Variants in ADAMTS20 observed in about 807,000 individuals in gnomAD.
ADAMTS20 encodes ADAM metallopeptidase with thrombospondin type 1 motif 20.
Under a neutral mutation model 260.1 loss-of-function variants are expected in ADAMTS20, and 225 were observed. The ratio of observed to expected loss-of-function variants is 0.87; its 90% CI spans 0.78 to 0.97. The LOEUF is 0.97. Ranked by LOEUF, ADAMTS20 falls within the 50% of genes least tolerant of loss-of-function variation. The probability of loss-of-function intolerance (pLI) is 0.00; values close to 1 mark genes in which losing one functional copy is unlikely to be tolerated. For synonymous variants in ADAMTS20, 802 were observed against 769.5 expected, an observed-to-expected ratio of 1.04 and a Z score of -0.70; for missense variants, 2,400 against 2,337.7, an observed-to-expected ratio of 1.03 and a Z score of -0.55.
intron 29 of ADAMTS20, among the ~76,000 whole-genome samples, chr12:43,389,959 G>C (rs1646521545): frequency 6.6e-6 from 1 of 152,226 alleles, no homozygotes; most frequent in Non-Finnish European, 1.5e-5. Flanking sequence ...TGTCAGTGGA[G>C]ATAGTCCCAC....
At chr12:43,483,252 G>A (rs553333349) in intron 7 of ADAMTS20, among the ~76,000 whole-genome samples, 2 of 152,084 alleles carry the variant, frequency 1.3e-5, no homozygotes, top group Non-Finnish European at 2.9e-5. Context: ...CAAGATTCAC[G>A]GTAGCCTGGC....
At chr12:43,521,647 T>A (rs569167948) in intron 3 of ADAMTS20, among the ~76,000 whole-genome samples, 1 of 152,240 alleles carries the variant, frequency 6.6e-6, no homozygotes, top group Non-Finnish European at 1.5e-5. Flanking sequence ...AAATATTTTT[T>A]AAAGCAAATT....
intron 14 of ADAMTS20, 45 bp from the exon 15 acceptor site, chr12:43,446,757 T>C: frequency 6.7e-7 from 1 of 1,483,652 alleles, no homozygotes; most frequent in South Asian, 1.2e-5. Flanking sequence ...TGACTAATTA[T>C]GAAGAAAAGA....
chr12:43,452,427 G>C lies in ADAMTS20; in HGVS notation c.1943-17C>G. The C allele has an allele frequency of 6.2e-7, 1 of 1,604,780 alleles. No individual in the cohort carries two copies. The highest frequency in any genetic ancestry group is 1.1e-5 in the South Asian group (1 of 89,012). On this transcript the variant is annotated splice_polypyrimidine_tract_variant and intron_variant, in intron 13 of 38. Transcript: ENST00000389420. ...TTGTGCCAACTGTAAAAAAGAAAAA[G>C]GTCAAATTTTTAATGTATAATAATA...
chr12:43,489,027 T>G (rs560141792), intron 7 of ADAMTS20, among the ~76,000 whole-genome samples: 1 of 152,056 alleles, frequency 6.6e-6, no homozygotes, highest in Non-Finnish European at 1.5e-5. Context: ...TTTTGGTGCT[T>G]AATAATATTC....
intron 29 of ADAMTS20, among the ~76,000 whole-genome samples, chr12:43,384,965 A>T (rs1053502368): frequency 3.3e-5 from 5 of 152,200 alleles, no homozygotes; most frequent in Non-Finnish European, 7.3e-5. Context: ...TCCTATGCAC[A>T]TATACCAAAA....
intron 28 of ADAMTS20, among the ~76,000 whole-genome samples, chr12:43,402,526 T>C (rs1940829886): frequency 6.6e-6 from 1 of 152,024 alleles, no homozygotes. Context: ...TTCTTTAAAG[T>C]AAAACAGGAC....
At chr12:43,524,513 T>C (rs1027165590) in intron 3 of ADAMTS20, among the ~76,000 whole-genome samples, 3 of 151,818 alleles carry the variant, frequency 2.0e-5, no homozygotes, top group African/African-American at 2.4e-5. Flanking sequence ...CAAGATGAAA[T>C]CTTTGAAATG....
intron 29 of ADAMTS20, among the ~76,000 whole-genome samples, chr12:43,387,565 T>A (rs576748052): frequency 1.9e-4 from 29 of 152,262 alleles, no homozygotes; most frequent in Admixed American, 3.9e-4. Flanking sequence ...GCAGGAACAT[T>A]TAAGTCTGCT....
At chr12:43,449,382 G>A (rs1172965687) in intron 14 of ADAMTS20, among the ~76,000 whole-genome samples, 1 of 152,092 alleles carries the variant, frequency 6.6e-6, no homozygotes, top group Non-Finnish European at 1.5e-5. Flanking sequence ...ACCAACACAG[G>A]AACAGAAAGC....
At chr12:43,493,104 A>G (rs1350440935) in intron 5 of ADAMTS20, 66 bp downstream of exon 5, 1 of 1,047,868 alleles carries the variant, frequency 9.5e-7, no homozygotes, top group African/African-American at 1.6e-5. Context: ...GAGTTCCATA[A>G]TCTCTACGTA....
chr12:43,522,088 G>C (rs781655709), intron 3 of ADAMTS20, among the ~76,000 whole-genome samples: 3 of 152,158 alleles, frequency 2.0e-5, no homozygotes, highest in Admixed American at 6.5e-5. Flanking sequence ...CTGAGGCTGG[G>C]TAATTTATAA....
At chr12:43,472,188 T>A (rs1316405059) in intron 7 of ADAMTS20, among the ~76,000 whole-genome samples, 1 of 147,094 alleles carries the variant, frequency 6.8e-6, no homozygotes, top group South Asian at 2.2e-4. Flanking sequence ...ACGTGAAGAA[T>A]GCAGAAGCCT....
chr12:43,456,729 T>C (rs1296755311), intron 11 of ADAMTS20, among the ~76,000 whole-genome samples: 2 of 152,204 alleles, frequency 1.3e-5, no homozygotes, highest in Admixed American at 1.3e-4. Context: ...TGTCATTCCC[T>C]ACTGGCTAGG....
chr12:43,499,486 ATTTTTTTT>A (rs71091160), intron 4 of ADAMTS20, among the ~76,000 whole-genome samples: 39 of 126,086 alleles, frequency 3.1e-4, no homozygotes, highest in African/African-American at 1.1e-3. Flanking sequence ...GATGATACTG[ATTTTTTTT>A]TTTTTTTTTT....
chr12:43,400,749 T>C (rs1169731092), intron 28 of ADAMTS20, among the ~76,000 whole-genome samples: 2 of 151,964 alleles, frequency 1.3e-5, no homozygotes, highest in Admixed American at 6.6e-5. Context: ...GTATCAAGTA[T>C]ATACCATGGA....
intron 28 of ADAMTS20, among the ~76,000 whole-genome samples, chr12:43,415,210 G>A (rs1254311537): frequency 6.6e-6 from 1 of 152,140 alleles, no homozygotes; most frequent in Non-Finnish European, 1.5e-5. Context: ...GATAGTAACT[G>A]CAAGGCGGGA....
intron 29 of ADAMTS20, among the ~76,000 whole-genome samples, chr12:43,386,508 T>A (rs1282927151): frequency 1.3e-5 from 2 of 152,210 alleles, no homozygotes; most frequent in Non-Finnish European, 2.9e-5. Context: ...GTTCTCTATA[T>A]TTCCTGAATT....
At chr12:43,457,544 T>C (rs1287102298) in intron 11 of ADAMTS20, among the ~76,000 whole-genome samples, 3 of 152,216 alleles carry the variant, frequency 2.0e-5, no homozygotes, top group Admixed American at 6.5e-5. Flanking sequence ...GCATAGCATA[T>C]CCAAAACTGA....
Sources: allele counts gnomAD v4.1 joint callset (sites outside exome capture counted in the v4.1 genomes callset), GRCh38; gene constraint gnomAD v4.1.1; transcripts MANE v1.5; gene names NCBI Gene and HGNC (gene_info 2026-07-23, HGNC 2026-07-21).